Variants in PRDM5 observed in about 807,000 individuals in gnomAD.
PRDM5 encodes PR/SET domain 5.
PRDM5 carries 56 observed loss-of-function variants against 81.2 expected under a neutral mutation model. The observed-to-expected ratio is 0.69, with a 90% CI of 0.56 to 0.86. The LOEUF is 0.86. Ranked by LOEUF, PRDM5 falls within the 40% of genes least tolerant of loss-of-function variation. PRDM5 has a pLI of 0.00. For synonymous variants in PRDM5, 267 were observed against 256.4 expected (o/e 1.04, Z -0.39); for missense variants, 697 against 770.1 (o/e 0.91, Z 1.12).
chr4:120,710,159 A>C, intron 15 of PRDM5, 150 bp downstream of exon 15: 1 of 700,432 alleles, frequency 1.4e-6, no homozygotes, highest in Non-Finnish European at 2.6e-6. Flanking sequence ...AGAACAAGCT[A>C]TAAATAGCAT....
chr4:120,777,331 A>T (rs1347831414), intron 12 of PRDM5, 50 bp from the exon 13 acceptor site: 1 of 1,611,568 alleles, frequency 6.2e-7, no homozygotes, highest in African/African-American at 1.3e-5. Context: ...AGAATTAGGT[A>T]AAGATGATTA....
intron 2 of PRDM5, among the ~76,000 whole-genome samples, chr4:120,892,430 T>G (rs1047776749): frequency 2.0e-5 from 3 of 152,202 alleles, no homozygotes; most frequent in Non-Finnish European, 2.9e-5. Flanking sequence ...CCCAGTATTA[T>G]TGTGTGGTTA....
intron 14 of PRDM5, among the ~76,000 whole-genome samples, chr4:120,743,123 T>C (rs1170088592): frequency 2.0e-5 from 3 of 151,936 alleles, no homozygotes; most frequent in Non-Finnish European, 2.9e-5. Context: ...GGGGCCGATA[T>C]TCAACATTCT....
intron 14 of PRDM5, among the ~76,000 whole-genome samples, chr4:120,748,184 C>G (rs1706840433): frequency 6.6e-6 from 1 of 152,190 alleles, no homozygotes; most frequent in South Asian, 2.1e-4. Flanking sequence ...TGGCATTTCT[C>G]TACCTCAGTG....
chr4:120,771,200 A>G (rs538842511), intron 13 of PRDM5, among the ~76,000 whole-genome samples: 2 of 152,286 alleles, frequency 1.3e-5, no homozygotes, highest in South Asian at 4.1e-4. Flanking sequence ...TGTTCTTTTT[A>G]TAAAACAAAC....
rs192329804 is a variant in PRDM5, at chr4:120,824,794, T to C, written c.301-3449A>G. Among the ~76,000 whole-genome samples the C allele has an allele frequency of 6.6e-5, 10 of 152,292 alleles. No individual in the cohort carries two copies. The East Asian group carries it at 1.9e-3, about 29-fold the overall frequency. On this transcript the variant is annotated intron_variant, in intron 3 of 15. Transcript: ENST00000264808. The stretch of plus-strand genomic sequence containing the variant: ...CTCTAACAATTGGTTTTAAAACATT[T>C]ATCAAATATCATTTTAATTTTTAAA...
intron 2 of PRDM5, among the ~76,000 whole-genome samples, chr4:120,863,408 C>T (rs1019192979): frequency 3.3e-5 from 5 of 151,746 alleles, no homozygotes; most frequent in African/African-American, 9.7e-5. Context: ...CTGAGTCCTG[C>T]GAGTTCTTCT....
intron 7 of PRDM5, among the ~76,000 whole-genome samples, chr4:120,813,226 G>A (rs888631845): frequency 2.6e-5 from 4 of 152,082 alleles, no homozygotes; most frequent in Non-Finnish European, 4.4e-5. Flanking sequence ...TATTAAATGT[G>A]ATATAATAAT....
intron 2 of PRDM5, among the ~76,000 whole-genome samples, chr4:120,880,894 G>C (rs1762780884): frequency 6.6e-6 from 1 of 151,818 alleles, no homozygotes; most frequent in Non-Finnish European, 1.5e-5. Flanking sequence ...ATCAACTCTG[G>C]GTGTCAATGA....
At chr4:120,857,664 G>C (rs976758848) in intron 2 of PRDM5, among the ~76,000 whole-genome samples, 1 of 152,126 alleles carries the variant, frequency 6.6e-6, no homozygotes, top group Non-Finnish European at 1.5e-5. Flanking sequence ...GAAAAAGACA[G>C]AGGAAACCAC....
In PRDM5 at chr4:120,913,044, C is replaced by T. The variant is rs529238401; in HGVS notation, c.94-5487G>A. On this transcript the variant is annotated intron_variant, in intron 1 of 15. Transcript: ENST00000264808. The stretch of plus-strand genomic sequence containing the variant: ...CTTCCCCACTGTAGGAAGTCTGAGG[C>T]AGACTAGTTGCCTCCCTATATCCAT... Among the ~76,000 whole-genome samples the T allele has an allele frequency of 5.3e-5, 8 of 152,332 alleles. No homozygotes were observed. The South Asian group carries it at 1.0e-3, about 20-fold the overall frequency.
chr4:120,703,845 A>T, intron 15 of PRDM5, among the ~76,000 whole-genome samples: 1 of 152,062 alleles, frequency 6.6e-6, no homozygotes, highest in East Asian at 1.9e-4. Flanking sequence ...AGGGCCAACT[A>T]TTACTAAAAT....
intron 2 of PRDM5, among the ~76,000 whole-genome samples, chr4:120,879,138 T>A (rs1033451016): frequency 6.6e-6 from 1 of 152,068 alleles, no homozygotes; most frequent in East Asian, 1.9e-4. Context: ...TTAGAAGCAA[T>A]CAAAATGTCC....
chr4:120,880,588 TTGTA>T (rs369806250), intron 2 of PRDM5, among the ~76,000 whole-genome samples: 1 of 152,192 alleles, frequency 6.6e-6, no homozygotes, highest in African/African-American at 2.4e-5. Context: ...TGAAATCTGG[TTGTA>T]TTTTATACCT....
chr4:120,831,178 T>C (rs1374906018), intron 3 of PRDM5, among the ~76,000 whole-genome samples: 2 of 152,100 alleles, frequency 1.3e-5, no homozygotes, highest in Non-Finnish European at 2.9e-5. Context: ...AGCCGTTTTA[T>C]AAACAAGTGA....
chr4:120,820,170 GA>G (rs1755078003), intron 4 of PRDM5, among the ~76,000 whole-genome samples: 1 of 152,220 alleles, frequency 6.6e-6, no homozygotes, highest in Non-Finnish European at 1.5e-5. Flanking sequence ...ATTAGGTTAT[GA>G]GCACTGTGTC....
At chr4:120,766,395 T>A (rs1163386138) in intron 13 of PRDM5, among the ~76,000 whole-genome samples, 1 of 152,206 alleles carries the variant, frequency 6.6e-6, no homozygotes, top group Non-Finnish European at 1.5e-5. Context: ...GAATCAATAC[T>A]CTGGATATAA....
downstream of PRDM5, among the ~76,000 whole-genome samples, chr4:120,688,552 G>T (rs1053769386): frequency 6.6e-6 from 1 of 152,024 alleles, no homozygotes; most frequent in Non-Finnish European, 1.5e-5. Flanking sequence ...ATCATTGCCA[G>T]ATATGATGCC....
intron 3 of PRDM5, among the ~76,000 whole-genome samples, chr4:120,840,842 G>A (rs986448686): frequency 4.6e-5 from 7 of 152,128 alleles, no homozygotes; most frequent in African/African-American, 1.2e-4. Context: ...TGATGGCAGC[G>A]GCCACTCGAG....
Sources: allele counts gnomAD v4.1 joint callset (sites outside exome capture counted in the v4.1 genomes callset), GRCh38; gene constraint gnomAD v4.1.1; transcripts MANE v1.5; gene names NCBI Gene and HGNC (gene_info 2026-07-23, HGNC 2026-07-21).